Variants in PLD5 observed in about 807,000 individuals in gnomAD.
PLD5 encodes phospholipase D family member 5.
Under a neutral mutation model 61.1 loss-of-function variants are expected in PLD5, and 36 were observed. That is an observed-to-expected ratio of 0.59 (90% CI 0.45 to 0.78). The LOEUF (loss-of-function observed/expected upper bound fraction) is 0.78, where lower values mean the gene tolerates loss of function less well. Ranked by LOEUF, PLD5 falls within the 30% of genes least tolerant of loss-of-function variation. The pLI is 0.00. For missense variants in PLD5, 515 were observed against 644.4 expected (o/e 0.80, Z 2.17); for synonymous variants, 243 against 242.8 (o/e 1.00, Z -0.01).
intron 2 of PLD5, among the ~76,000 whole-genome samples, chr1:242,312,397 A>G (rs538363639): frequency 3.9e-5 from 6 of 152,058 alleles, no homozygotes; most frequent in Non-Finnish European, 8.8e-5. Context: ...TCTTCCTTGG[A>G]CCTGTGTGCA....
chr1:242,130,218 A>G (rs1663125362), intron 5 of PLD5, among the ~76,000 whole-genome samples: 1 of 151,982 alleles, frequency 6.6e-6, no homozygotes, highest in Non-Finnish European at 1.5e-5. Flanking sequence ...CATGTAGCTG[A>G]TTTTTGTATT....
intron 2 of PLD5, among the ~76,000 whole-genome samples, chr1:242,333,001 A>C (rs1659280286): frequency 6.6e-6 from 1 of 152,196 alleles, no homozygotes; most frequent in African/African-American, 2.4e-5. Context: ...CCCAAGAGAG[A>C]GAGACAAGGA....
In PLD5 at chr1:242,091,824, C is replaced by T. The variant is rs983920589; in HGVS notation, c.1355-1714G>A. 1.0e-4 allele frequency among the ~76,000 whole-genome samples: 15 copies of T among 144,656 alleles called. 1 individual carries two copies. Among genetic ancestry groups the T allele is most frequent in the Admixed American group, 9.9e-4 (14 of 14,144 alleles). The allele number at this position is 144,656 out of a possible 152,430, so 94.9% of individuals were successfully genotyped here. ...TTTATTCTTCTTTTTCTTTTCTTTT[C>T]TTTTTTTCTTTTTTTTTTTTTTTGA... is the stretch of plus-strand genomic sequence containing the variant. On this transcript the variant is annotated intron_variant, in intron 9 of 9. Coordinates refer to ENST00000536534, the MANE Select transcript of PLD5 (RefSeq NM_001372062.1).
chr1:242,335,184 G>A (rs1477685770), intron 2 of PLD5, among the ~76,000 whole-genome samples: 1 of 151,738 alleles, frequency 6.6e-6, no homozygotes, highest in African/African-American at 2.4e-5. Flanking sequence ...CAAGGAAAGA[G>A]TTTTTCCTTC....
At chr1:242,261,955 T>C (rs975665462) in intron 4 of PLD5, among the ~76,000 whole-genome samples, 3 of 152,210 alleles carry the variant, frequency 2.0e-5, no homozygotes, top group African/African-American at 7.2e-5. Context: ...GCCTATTATG[T>C]CAGCAATCCC....
At chr1:242,187,291 GC>G (rs780679568) in intron 5 of PLD5, among the ~76,000 whole-genome samples, 1 of 152,228 alleles carries the variant, frequency 6.6e-6, no homozygotes, top group East Asian at 1.9e-4. Context: ...GGGGTTTTCA[GC>G]CCCCTTTTGA....
intron 1 of PLD5, among the ~76,000 whole-genome samples, chr1:242,477,605 G>A (rs1164953565): frequency 6.6e-6 from 1 of 152,170 alleles, no homozygotes; most frequent in East Asian, 1.9e-4. Flanking sequence ...CAAATGCAAG[G>A]GGCTTGGCAG....
intron 1 of PLD5, among the ~76,000 whole-genome samples, chr1:242,399,777 C>A (rs895788100): frequency 2.6e-5 from 4 of 152,152 alleles, no homozygotes; most frequent in African/African-American, 9.7e-5. Flanking sequence ...ACCTCCTGAG[C>A]TCCGCCTCCT....
At chr1:242,245,078 C>G (rs1672279861) in intron 4 of PLD5, among the ~76,000 whole-genome samples, 1 of 152,178 alleles carries the variant, frequency 6.6e-6, no homozygotes, top group East Asian at 1.9e-4. Flanking sequence ...AAGTACATTA[C>G]CATGCTGTTG....
At chr1:242,375,851 G>A (rs903928880) in intron 1 of PLD5, among the ~76,000 whole-genome samples, 6 of 152,006 alleles carry the variant, frequency 3.9e-5, no homozygotes, top group African/African-American at 7.2e-5. Flanking sequence ...ATACACAGGC[G>A]GCTGCATTGA....
chr1:242,373,527 A>G (rs2149248528), intron 1 of PLD5, among the ~76,000 whole-genome samples: 1 of 152,340 alleles, frequency 6.6e-6, no homozygotes, highest in African/African-American at 2.4e-5. Flanking sequence ...GCTATTCACA[A>G]TAGCAGAGAC....
intron 2 of PLD5, among the ~76,000 whole-genome samples, chr1:242,303,273 C>A (rs1029047921): frequency 8.5e-5 from 13 of 152,198 alleles, no homozygotes; most frequent in Non-Finnish European, 1.6e-4. Context: ...CTTTCCTGAG[C>A]CTGCCCTTGG....
chr1:242,167,065 GACAATAATAATAGTAATAATAATA>G (rs1315105340), intron 5 of PLD5, among the ~76,000 whole-genome samples: 2 of 72,324 alleles, frequency 2.8e-5, no homozygotes, highest in African/African-American at 1.1e-4. Context: ...GAGAGTGAGA[GACAATAATAATAGTAATAATAATA>G]ATAATAATAA....
chr1:242,382,627 T>A (rs1339724330), intron 1 of PLD5, among the ~76,000 whole-genome samples: 1 of 152,180 alleles, frequency 6.6e-6, no homozygotes, highest in Admixed American at 6.5e-5. Flanking sequence ...GCATTTTTAC[T>A]GGTGTGGTAA....
intron 2 of PLD5, among the ~76,000 whole-genome samples, chr1:242,295,386 T>C (rs1558438807): frequency 6.6e-6 from 1 of 152,228 alleles, no homozygotes; most frequent in East Asian, 1.9e-4. Flanking sequence ...AGTGAGAACA[T>C]GCAGTATTCA....
At chr1:242,111,356 C>T (rs907899775) in intron 7 of PLD5, among the ~76,000 whole-genome samples, 12 of 152,154 alleles carry the variant, frequency 7.9e-5, no homozygotes, top group South Asian at 2.1e-4. Context: ...CGTGCCTGGC[C>T]GGCTTCTGAA....
At chr1:242,114,150 C>T in intron 6 of PLD5, 124 bp from the exon 7 acceptor site, 2 of 1,014,298 alleles carry the variant, frequency 2.0e-6, no homozygotes, top group South Asian at 1.9e-5. Context: ...ATTTCTGCTT[C>T]ATCAAATTAG....
At chr1:242,449,902 G>A (rs1048737458) in intron 1 of PLD5, among the ~76,000 whole-genome samples, 15 of 152,326 alleles carry the variant, frequency 9.8e-5, no homozygotes, top group Admixed American at 3.9e-4. Context: ...CTCGGTCATC[G>A]GTGGGTGTTT....
chr1:242,502,030 A>G (rs1371941487), intron 1 of PLD5, among the ~76,000 whole-genome samples: 2 of 152,114 alleles, frequency 1.3e-5, no homozygotes, highest in Non-Finnish European at 2.9e-5. Flanking sequence ...AGATGCTAAG[A>G]CACAGTTTCT....
Sources: gnomAD v4.1 joint callset for allele counts (sites outside exome capture counted in the v4.1 genomes callset) on GRCh38, gnomAD v4.1.1 for gene constraint, MANE v1.5 for transcripts, NCBI Gene and HGNC (gene_info 2026-07-23, HGNC 2026-07-21) for gene names.